The following LITAF variants were observed in gnomAD, a reference collection of about 807,000 sequenced individuals.
LITAF encodes the protein lipopolysaccharide-induced tumor necrosis factor-alpha factor.
In LITAF, 9 loss-of-function variants were observed where a neutral mutation model predicts 14.5. The observed-to-expected ratio is 0.62, with a 90% CI of 0.37 to 1.08. LITAF has a LOEUF of 1.08. Ranked by LOEUF, LITAF falls within the 50% of genes least tolerant of loss-of-function variation. LITAF has a pLI of 0.01. For missense variants in LITAF, 206 were observed against 213.4 expected, an observed-to-expected ratio of 0.97 and a Z score of 0.22; for synonymous variants, 98 against 88.2, an observed-to-expected ratio of 1.11 and a Z score of -0.62.
intron 1 of LITAF, among the ~76,000 whole-genome samples, chr16:11,557,010 C>G (rs948715834): frequency 1.3e-5 from 2 of 152,118 alleles, no homozygotes; most frequent in African/African-American, 4.8e-5. Context: ...ACATCTTAAA[C>G]CATTACCAGA....
intron 1 of LITAF, 38 bp from the exon 2 acceptor site, chr16:11,556,773 G>A: frequency 6.6e-7 from 1 of 1,522,552 alleles, no homozygotes; most frequent in Non-Finnish European, 9.1e-7. Context: ...AAGAAATTCA[G>A]TTGATCTCTC....
In LITAF at chr16:11,594,271, A is replaced by G. The variant is rs540657359; in HGVS notation, c.-6+4117T>C. Among the ~76,000 whole-genome samples, 5 of 151,514 alleles carry G rather than the reference A, an allele frequency of 3.3e-5. No individual in the cohort carries two copies. The Admixed American group carries it at 3.3e-4, about 10-fold the overall frequency. ...ATGAATTGTACAGTTTAAACTAGTT[A>G]AAATGTTAAACTTCATTACAACAAC... On this transcript the variant is annotated intron_variant, in intron 1 of 3. Coordinates refer to the LITAF transcript ENST00000571627.
At chr16:11,628,460 A>G (rs2065098098) in intron 3 of LITAF, among the ~76,000 whole-genome samples, 1 of 152,316 alleles carries the variant, frequency 6.6e-6, no homozygotes, top group East Asian at 1.9e-4. Context: ...AAAGTATCCA[A>G]TGAAAGGGAA....
chr16:11,604,037 A>G (rs1169297458), intron 3 of LITAF, among the ~76,000 whole-genome samples: 1 of 151,568 alleles, frequency 6.6e-6, no homozygotes, highest in Non-Finnish European at 1.5e-5. Flanking sequence ...ACAGAGCGAG[A>G]CTCCACTAGA....
At chr16:11,603,634 G>T (rs1399108767) in intron 3 of LITAF, among the ~76,000 whole-genome samples, 3 of 152,230 alleles carry the variant, frequency 2.0e-5, no homozygotes, top group Non-Finnish European at 4.4e-5. Context: ...TATCAGAAAT[G>T]GTTCGGAAAA....
chr16:11,577,762 C>G (rs762058553), intron 1 of LITAF, among the ~76,000 whole-genome samples: 5 of 152,130 alleles, frequency 3.3e-5, no homozygotes, highest in Non-Finnish European at 5.9e-5. Flanking sequence ...GTCACCCAGG[C>G]TGGAGTGCAG....
intron 1 of LITAF, among the ~76,000 whole-genome samples, chr16:11,578,052 CA>C (rs1237082163): frequency 2.6e-5 from 4 of 152,070 alleles, no homozygotes; most frequent in Non-Finnish European, 5.9e-5. Context: ...TGCACCACCA[CA>C]CTCAGCGATT....
rs984715355 is a variant in LITAF at position 11,605,721 on chromosome 16, G to A, written c.85+27812C>T. Among the ~76,000 whole-genome samples the A allele has an allele frequency of 5.9e-5, 9 of 152,110 alleles. No homozygotes were observed. Among genetic ancestry groups the A allele is most frequent in the Non-Finnish European group, 1.0e-4 (7 of 68,010 alleles). ...TTCGAAGCTGCAGTGAGCTATGATT[G>A]CACCACTGCACTCTAGCCTGGGCAA... On this transcript the variant is annotated intron_variant, in intron 3 of 3. Transcript: ENST00000574848. This position sits in a 1 kb window ranked among gnomAD's most constrained non-coding sequence, Gnocchi z 4.7.
intron 1 of LITAF, among the ~76,000 whole-genome samples, chr16:11,560,065 G>C (rs1000964937): frequency 1.3e-5 from 2 of 152,184 alleles, no homozygotes; most frequent in African/African-American, 4.8e-5. Flanking sequence ...GGGAGGCCAA[G>C]GCAGACGGAT....
chr16:11,607,136 G>C (rs1244761037), intron 3 of LITAF, among the ~76,000 whole-genome samples: 9 of 152,208 alleles, frequency 5.9e-5, no homozygotes, highest in Non-Finnish European at 1.5e-5. Context: ...ACTGCCTACA[G>C]TGTGGACCAC....
rs34208466 is a variant in LITAF, at chr16:11,572,932, C to CTTTT, written c.-6+13950_-6+13953dup. 8.4e-5 allele frequency among the ~76,000 whole-genome samples: 12 copies of CTTTT among 143,216 alleles called. 1 individual carries two copies. Among genetic ancestry groups the CTTTT allele is most frequent in the African/African-American group, 1.0e-4 (4 of 38,674 alleles). 94.0% of individuals were successfully genotyped at this position (143,216 alleles called of 152,430 possible). ...ACCAATTTTCTGCACATCTCAAGCT[C>CTTTT]TTTTTTTTTTTTTTGAGACAGGGTC... On this transcript the variant is annotated intron_variant, in intron 1 of 3. Coordinates refer to ENST00000622633, the MANE Select transcript of LITAF (RefSeq NM_001136472.2).
intron 2 of LITAF, 131 bp downstream of exon 2, chr16:11,556,380 G>T: frequency 1.4e-6 from 1 of 721,156 alleles, no homozygotes; most frequent in Non-Finnish European, 2.3e-6. Context: ...GGAATTTCAA[G>T]GTAAGGGGGT....
intron 3 of LITAF, among the ~76,000 whole-genome samples, chr16:11,627,050 G>C (rs1017098621): frequency 1.3e-5 from 2 of 151,992 alleles, no homozygotes; most frequent in Admixed American, 6.6e-5. Flanking sequence ...CTAGGAACCC[G>C]GGTGTGGACG....
In LITAF at chr16:11,634,786, G is replaced by C. The variant is rs2065131577; in HGVS notation, c.-21+1039C>G. ...ATGGTGGCTCACATCTGTAATCCCA[G>C]CACTTTGGGAGGCCAAGGCGGTAGA... On this transcript the variant is annotated intron_variant, in intron 2 of 3. Transcript: ENST00000574848. The surrounding 1 kb of genome is among the most constrained non-coding windows in gnomAD (Gnocchi z 4.1). Among the ~76,000 whole-genome samples the C allele has an allele frequency of 6.6e-6, 1 of 152,188 alleles. No individual in the cohort carries two copies. The highest frequency in any genetic ancestry group is 1.5e-5 in the Non-Finnish European group (1 of 68,042).
Position 11,577,150 on chromosome 16 carries a change from C to G in LITAF, c.-6+9736G>C, listed in dbSNP as rs138185907. Among the ~76,000 whole-genome samples the G allele has an allele frequency of 6.2e-3, 939 of 152,240 alleles. 11 individuals are homozygous for G. The highest frequency in any genetic ancestry group is 0.021 in the African/African-American group (881 of 41,532). On this transcript the variant is annotated intron_variant, in intron 1 of 3. Coordinates refer to ENST00000622633, the MANE Select transcript of LITAF (RefSeq NM_001136472.2). Reference sequence around the variant, plus strand: ...CCTAACTGGACCATATTACGTTACTCTCTGCCCACCCCAGGGGAAGGGATG... The same window carrying G: ...CCTAACTGGACCATATTACGTTACTGTCTGCCCACCCCAGGGGAAGGGATG...
intron 1 of LITAF, among the ~76,000 whole-genome samples, chr16:11,581,323 C>T (rs1380407213): frequency 6.6e-6 from 1 of 152,190 alleles, no homozygotes; most frequent in African/African-American, 2.4e-5. Flanking sequence ...GCAGGTCTTA[C>T]CCCAAAGCAC....
chr16:11,555,667 AAAAAAAG>A (rs906702518), intron 2 of LITAF, among the ~76,000 whole-genome samples: 1 of 151,966 alleles, frequency 6.6e-6, no homozygotes, highest in Non-Finnish European at 1.5e-5. Flanking sequence ...TCAAAAAAAA[AAAAAAAG>A]AAAAAGAAAA....
In LITAF at chr16:11,628,922, C is replaced by T. The variant is rs141469667; in HGVS notation, c.85+4611G>A. 1.6e-3 allele frequency among the ~76,000 whole-genome samples: 245 copies of T among 152,356 alleles called. 2 individuals carry two copies. The highest frequency in any genetic ancestry group is 5.3e-3 in the African/African-American group (221 of 41,586). The stretch of plus-strand genomic sequence containing the variant: ...AACTCCTGACCTCAAGTGATCTGCC[C>T]GCCTTGGCCTCCCAAAGTGCTGGGA... On this transcript the variant is annotated intron_variant, in intron 3 of 3. Transcript: ENST00000574848.
At chr16:11,618,293 C>T (rs1415434436) in intron 3 of LITAF, among the ~76,000 whole-genome samples, 1 of 152,198 alleles carries the variant, frequency 6.6e-6, no homozygotes, top group Non-Finnish European at 1.5e-5. Flanking sequence ...AGATTGCAGG[C>T]AGAAATACTA....
Sources: allele counts gnomAD v4.1 joint callset (sites outside exome capture counted in the v4.1 genomes callset), GRCh38; gene constraint gnomAD v4.1.1; non-coding constraint Gnocchi (gnomAD v3.1); transcripts MANE v1.5; gene names NCBI Gene and HGNC (gene_info 2026-07-23, HGNC 2026-07-21).